The following SYNE2 variants were observed in gnomAD, a reference collection of about 807,000 sequenced individuals.
The protein encoded by SYNE2 is nesprin-2.
SYNE2 carries 431 observed loss-of-function variants against 856.3 expected under a neutral mutation model. The ratio of observed to expected loss-of-function variants is 0.50; its 90% CI spans 0.47 to 0.55. The LOEUF is 0.55. Among genes scored for constraint, SYNE2 ranks in the 20% least tolerant of loss-of-function variants. SYNE2 has a pLI of 0.00. For synonymous variants in SYNE2, 2,923 were observed against 2,872.3 expected, an observed-to-expected ratio of 1.02 and a Z score of -0.56; for missense variants, 8,129 against 8,023.2, an observed-to-expected ratio of 1.01 and a Z score of -0.50.
At chr14:63,869,636 C>CAAA (rs35258750) in intron 1 of SYNE2, among the ~76,000 whole-genome samples, 1,787 of 76,510 alleles carry the variant, frequency 0.023, 64 homozygotes, top group African/African-American at 0.03. Context: ...AACTTTGTCT[C>CAAA]AAAAAAAAAA....
chr14:64,185,275 A>T (rs1016587749), intron 96 of SYNE2, among the ~76,000 whole-genome samples: 3 of 151,974 alleles, frequency 2.0e-5, no homozygotes, highest in Non-Finnish European at 4.4e-5. Context: ...AAAAAAAAAT[A>T]AAAATTAAAA....
chr14:63,861,146 T>G (rs905575709), intron 1 of SYNE2, among the ~76,000 whole-genome samples: 1 of 21,170 alleles, frequency 4.7e-5, no homozygotes, highest in African/African-American at 1.0e-4. Context: ...ACCACATTGT[T>G]TTTTTTTTTT....
intron 45 of SYNE2, among the ~76,000 whole-genome samples, chr14:64,032,151 A>G (rs2097043435): frequency 6.6e-6 from 1 of 152,234 alleles, no homozygotes; most frequent in Non-Finnish European, 1.5e-5. Context: ...CGTAGAATAG[A>G]AATGCATGGA....
chr14:64,170,776 C>T (rs2098406869), intron 94 of SYNE2, among the ~76,000 whole-genome samples: 1 of 152,042 alleles, frequency 6.6e-6, no homozygotes, highest in East Asian at 1.9e-4. Flanking sequence ...ATTCTTAAGC[C>T]ACTGACTAAT....
intron 1 of SYNE2, among the ~76,000 whole-genome samples, chr14:63,835,318 C>T (rs1428211806): frequency 1.3e-5 from 2 of 152,180 alleles, no homozygotes; most frequent in East Asian, 3.8e-4. Context: ...ACTGCAACCT[C>T]TGCCTCTGGG....
At chr14:64,188,526 T>G (rs1051167135) in intron 97 of SYNE2, 24 bp from the exon 98 acceptor site, 1 of 1,614,004 alleles carries the variant, frequency 6.2e-7, no homozygotes, top group African/African-American at 1.3e-5. Flanking sequence ...TATACTCAGC[T>G]GCCAAATGTA....
chr14:64,003,408 T>A, intron 30 of SYNE2, 78 bp downstream of exon 30: 1 of 1,538,710 alleles, frequency 6.5e-7, no homozygotes, highest in South Asian at 1.1e-5. Flanking sequence ...TGAAAGAAAT[T>A]CTTCCTATGT....
In SYNE2 at chr14:63,919,012, T is replaced by C. The variant is rs576585882; in HGVS notation, c.79+9785T>C. On this transcript the variant is annotated intron_variant, in intron 2 of 115. Coordinates refer to ENST00000555002, the MANE Select transcript of SYNE2 (RefSeq NM_182914.3). ...CCAGGGGGTTTTGATGTCTTCAAAATAGCATATTTCAAAAGTCCAGGTGAA... is the reference window on the plus strand; with the variant it reads ...CCAGGGGGTTTTGATGTCTTCAAAACAGCATATTTCAAAAGTCCAGGTGAA... 3.9e-5 allele frequency among the ~76,000 whole-genome samples: 6 copies of C among 152,300 alleles called. No homozygotes were observed. The South Asian group carries it at 1.2e-3, about 32-fold the overall frequency.
chr14:64,221,276 G>C (rs1337661717), intron 111 of SYNE2, among the ~76,000 whole-genome samples: 1 of 152,166 alleles, frequency 6.6e-6, no homozygotes, highest in African/African-American at 2.4e-5. Context: ...AGAGAACCCA[G>C]CAGATTGGCT....
At chr14:64,216,055 C>CTAG (rs2098664946) in intron 107 of SYNE2, 193 bp from the exon 108 acceptor site, 1 of 1,494,366 alleles carries the variant, frequency 6.7e-7, no homozygotes. Context: ...GTGTACCCAT[C>CTAG]TAGTGAAGGC....
chr14:64,205,111 A>G (rs541893199), intron 100 of SYNE2, among the ~76,000 whole-genome samples: 1 of 152,128 alleles, frequency 6.6e-6, no homozygotes, highest in South Asian at 2.1e-4. Flanking sequence ...ATCCAGGATA[A>G]TCTCCCTATT....
intron 19 of SYNE2, among the ~76,000 whole-genome samples, chr14:63,988,251 T>C (rs2096640511): frequency 6.6e-6 from 1 of 152,208 alleles, no homozygotes; most frequent in Admixed American, 6.5e-5. Context: ...CTAATTCTTA[T>C]ATTTTTAGTA....
rs547101639 is a variant in SYNE2, at chr14:64,225,520, C to T, written c.20718C>T (p.Pro6906=). 4 of 1,613,984 alleles carry T rather than the reference C, an allele frequency of 2.5e-6. No homozygotes were observed. Among genetic ancestry groups the T allele is most frequent in the Admixed American group, 1.7e-5 (1 of 59,980 alleles). Residue 6906 remains proline, a synonymous_variant, in exon 116 of 116, where the codon CCC becomes CCT. Coordinates refer to ENST00000555002, the MANE Select transcript of SYNE2 (RefSeq NM_182914.3). The part of the protein sequence containing the change: ...PMLRYTNGPP[P]T ...TGAGGTACACCAATGGGCCACCCCC[C>T]ACATAGAGGGCATAGCTGGCCACAG...
intron 43 of SYNE2, 138 bp downstream of exon 43, chr14:64,027,931 A>C: frequency 1.3e-6 from 1 of 756,750 alleles, no homozygotes; most frequent in Non-Finnish European, 2.1e-6. Context: ...TTTTTGAGAC[A>C]GGGTCTCACT....
At chr14:63,956,514 G>T (rs201916818) in intron 8 of SYNE2, 286 of 444,582 alleles carry the variant, frequency 6.4e-4, no homozygotes, top group Non-Finnish European at 1.2e-3. Context: ...CTGACCAGGT[G>T]ACTGTGGATT....
chr14:63,958,007 A>G (rs1033588912), intron 8 of SYNE2, among the ~76,000 whole-genome samples: 5 of 152,080 alleles, frequency 3.3e-5, no homozygotes, highest in African/African-American at 4.8e-5. Flanking sequence ...GTGCCACTGC[A>G]CTGTAGCCTT....
chr14:63,768,148 C>T (rs928083617), intron 1 of SYNE2, among the ~76,000 whole-genome samples: 1 of 151,898 alleles, frequency 6.6e-6, no homozygotes, highest in Non-Finnish European at 1.5e-5. Flanking sequence ...CATGATCATG[C>T]CACTGCAATC....
intron 84 of SYNE2, among the ~76,000 whole-genome samples, chr14:64,147,969 A>G (rs553827864): frequency 1.3e-5 from 2 of 152,326 alleles, no homozygotes; most frequent in East Asian, 3.9e-4. Context: ...TCTTGAGTAC[A>G]TGAAATTTAC....
At chr14:64,072,438 A>G (rs544645548) in intron 52 of SYNE2, among the ~76,000 whole-genome samples, 22 of 151,934 alleles carry the variant, frequency 1.4e-4, no homozygotes, top group Non-Finnish European at 2.1e-4. Context: ...GGCTCAATCC[A>G]TCCCACAAGA....
Sources: gnomAD v4.1 joint callset for allele counts (sites outside exome capture counted in the v4.1 genomes callset) on GRCh38, gnomAD v4.1.1 for gene constraint, MANE v1.5 for transcripts, NCBI Gene and HGNC (gene_info 2026-07-23, HGNC 2026-07-21) for gene names.